Variants in PDS5B observed in about 807,000 individuals in gnomAD.
PDS5B encodes the protein sister chromatid cohesion protein PDS5 homolog B.
PDS5B carries 51 observed loss-of-function variants against 184.1 expected under a neutral mutation model. The ratio of observed to expected loss-of-function variants is 0.28; its 90% CI spans 0.22 to 0.35. The LOEUF is 0.35. Ranked by LOEUF, PDS5B falls within the 10% of genes least tolerant of loss-of-function variation. The pLI is 1.00. For missense variants in PDS5B, 1,180 were observed against 1,723.3 expected, an observed-to-expected ratio of 0.68 and a Z score of 5.58; for synonymous variants, 566 against 569.2, an observed-to-expected ratio of 0.99 and a Z score of 0.08.
intron 31 of PDS5B, among the ~76,000 whole-genome samples, chr13:32,765,323 G>A (rs1954549666): frequency 6.6e-6 from 1 of 152,190 alleles, no homozygotes; most frequent in Admixed American, 6.5e-5. Context: ...CTTTATCAGA[G>A]TAAGTGACTT....
At chr13:32,686,198 A>G (rs529851022) in intron 11 of PDS5B, among the ~76,000 whole-genome samples, 4 of 152,334 alleles carry the variant, frequency 2.6e-5, no homozygotes, top group African/African-American at 4.8e-5. Context: ...TTAAAGAATG[A>G]ACTTATTCTA....
rs2058082669 is a variant in PDS5B at position 32,607,785 on chromosome 13, T to G, written c.-20+21192T>G. On this transcript the variant is annotated intron_variant, in intron 1 of 34. Transcript: ENST00000315596. ...GCGAATGCCCCTCCCCCAGCCTCAC[T>G]GCTGCCTTGCAGTTCGATCTCAGAC... Among the ~76,000 whole-genome samples the G allele has an allele frequency of 2.6e-5, 4 of 152,330 alleles. No homozygotes were observed. The South Asian group carries it at 8.3e-4, about 32-fold the overall frequency.
chr13:32,759,042 C>A (rs1418771561), intron 28 of PDS5B, among the ~76,000 whole-genome samples: 1 of 151,972 alleles, frequency 6.6e-6, no homozygotes, highest in Admixed American at 6.6e-5. Flanking sequence ...TGCCTAAGAC[C>A]CTGGGAATAC....
In PDS5B at chr13:32,600,492, A is replaced by G. The variant is rs114549937; in HGVS notation, c.-20+13899A>G. 9.5e-3 allele frequency among the ~76,000 whole-genome samples: 1,453 copies of G among 152,350 alleles called. 31 individuals are homozygous for G. The highest frequency in any genetic ancestry group is 0.034 in the African/African-American group (1,396 of 41,584). ...GGTGGCTCATGCTTGTAATCCCAGC[A>G]CTTTGGATGGCCAAAGTGGGTGGAT... On this transcript the variant is annotated intron_variant, in intron 1 of 34. Coordinates refer to ENST00000315596, the MANE Select transcript of PDS5B (RefSeq NM_015032.4).
chr13:32,747,341 T>C lies in PDS5B; in HGVS notation c.2736+1241T>C, dbSNP rs372134873. 3.3e-5 allele frequency among the ~76,000 whole-genome samples: 5 copies of C among 152,294 alleles called. No individual in the cohort carries two copies. The East Asian group carries it at 7.7e-4, about 23-fold the overall frequency. On this transcript the variant is annotated intron_variant, in intron 24 of 34. Transcript: ENST00000315596. ...TCTTCCTCCCCACCCTTTATTCTAG[T>C]ACATATTTTTAAATTGCCACTTATG... is the stretch of plus-strand genomic sequence containing the variant.
chr13:32,687,333 A>C, intron 12 of PDS5B, 48 bp downstream of exon 12: 2 of 1,361,014 alleles, frequency 1.5e-6, no homozygotes, highest in Non-Finnish European at 2.0e-6. Context: ...ATGTTATATA[A>C]CTTGATTTAT....
chr13:32,754,567 C>T (rs1277174051), intron 25 of PDS5B, among the ~76,000 whole-genome samples: 2 of 144,746 alleles, frequency 1.4e-5, no homozygotes, highest in African/African-American at 5.0e-5. Context: ...GTTACCACAT[C>T]ACTGTGACCC....
chr13:32,653,090 T>G (rs1317827911), intron 3 of PDS5B, among the ~76,000 whole-genome samples: 1 of 152,070 alleles, frequency 6.6e-6, no homozygotes, highest in Non-Finnish European at 1.5e-5. Flanking sequence ...GGTCAGGAGT[T>G]CGAAACCAGC....
chr13:32,751,659 T>G (rs1953985564), intron 24 of PDS5B, among the ~76,000 whole-genome samples: 1 of 152,242 alleles, frequency 6.6e-6, no homozygotes, highest in Non-Finnish European at 1.5e-5. Context: ...TATCTTCTTT[T>G]GAAAAGTGTC....
intron 1 of PDS5B, among the ~76,000 whole-genome samples, chr13:32,604,479 G>A (rs1246385435): frequency 1.3e-5 from 2 of 152,204 alleles, no homozygotes; most frequent in East Asian, 1.9e-4. Flanking sequence ...TGGTTGGCCA[G>A]TATTTTAGAG....
At chr13:32,718,866 C>A (rs1359508039) in intron 19 of PDS5B, among the ~76,000 whole-genome samples, 1 of 152,072 alleles carries the variant, frequency 6.6e-6, no homozygotes, top group Non-Finnish European at 1.5e-5. Flanking sequence ...AAGAAATTTG[C>A]AATGCTGTAA....
At chr13:32,616,854 TG>T (rs1269068197) in intron 1 of PDS5B, among the ~76,000 whole-genome samples, 1 of 152,246 alleles carries the variant, frequency 6.6e-6, no homozygotes, top group Non-Finnish European at 1.5e-5. Flanking sequence ...GTAAGTTTAC[TG>T]TTTATTTCTG....
At chr13:32,595,225 C>T (rs1003989910) in intron 1 of PDS5B, among the ~76,000 whole-genome samples, 1 of 152,072 alleles carries the variant, frequency 6.6e-6, no homozygotes, top group African/African-American at 2.4e-5. Flanking sequence ...ATGCTAGAAA[C>T]CTGGGAGTCA....
intron 1 of PDS5B, among the ~76,000 whole-genome samples, chr13:32,628,128 C>T (rs546921520): frequency 7.0e-4 from 106 of 152,222 alleles, no homozygotes; most frequent in Non-Finnish European, 1.3e-3. Context: ...AGTTTTCTTT[C>T]TTTAAGGATT....
intron 10 of PDS5B, among the ~76,000 whole-genome samples, chr13:32,683,215 G>A (rs571744940): frequency 2.6e-5 from 4 of 151,664 alleles, no homozygotes; most frequent in South Asian, 4.2e-4. Flanking sequence ...AGGTTTCACC[G>A]TGTTGGCCAG....
At chr13:32,619,360 T>C (rs902124771) in intron 1 of PDS5B, among the ~76,000 whole-genome samples, 3 of 152,140 alleles carry the variant, frequency 2.0e-5, no homozygotes, top group Non-Finnish European at 4.4e-5. Flanking sequence ...AGGCCACAAA[T>C]CTGTACAGCA....
At chr13:32,705,884 C>T (rs1384326586) in intron 17 of PDS5B, among the ~76,000 whole-genome samples, 2 of 152,080 alleles carry the variant, frequency 1.3e-5, no homozygotes, top group Non-Finnish European at 2.9e-5. Context: ...TCAGGCTGGT[C>T]TTGAACTCCT....
At chr13:32,626,339 T>C (rs1437411117) in intron 1 of PDS5B, among the ~76,000 whole-genome samples, 1 of 152,220 alleles carries the variant, frequency 6.6e-6, no homozygotes, top group Non-Finnish European at 1.5e-5. Context: ...TTTTTCTGTA[T>C]TTTGTAACTA....
chr13:32,701,832 G>C (rs1349600448), intron 17 of PDS5B, among the ~76,000 whole-genome samples: 1 of 151,932 alleles, frequency 6.6e-6, no homozygotes, highest in Non-Finnish European at 1.5e-5. Flanking sequence ...TGGGAAACTA[G>C]GTGAATCTGT....
Sources: gnomAD v4.1 joint callset for allele counts (sites outside exome capture counted in the v4.1 genomes callset) on GRCh38, gnomAD v4.1.1 for gene constraint, MANE v1.5 for transcripts, NCBI Gene and HGNC (gene_info 2026-07-23, HGNC 2026-07-21) for gene names.